HOPX: variants seen among roughly 807,000 people sequenced by gnomAD.
HOPX encodes the protein homeodomain-only protein.
Under a neutral mutation model 11.8 loss-of-function variants are expected in HOPX, and 5 were observed. That is an observed-to-expected ratio of 0.43 (90% confidence interval 0.22 to 0.89). The LOEUF is 0.89. HOPX is among the 40% of genes least tolerant of loss of function. The probability of loss-of-function intolerance (pLI) is 0.28; values close to 1 mark genes in which losing one functional copy is unlikely to be tolerated. For missense variants in HOPX, 119 were observed against 120.0 expected, an observed-to-expected ratio of 0.99 and a Z score of 0.04; for synonymous variants, 49 against 49.7, an observed-to-expected ratio of 0.99 and a Z score of 0.06.
chr4:56,681,580 G>T, upstream of HOPX: 3 of 1,000,200 alleles, frequency 3.0e-6, no homozygotes, highest in Non-Finnish European at 3.6e-6. Context: ...ACCAAGATAG[G>T]ATAAGAGAGA....
intron 3 of HOPX, among the ~76,000 whole-genome samples, chr4:56,653,385 C>T (rs1717393914): frequency 6.6e-6 from 1 of 152,004 alleles, no homozygotes; most frequent in African/African-American, 2.4e-5. Context: ...AGGAGATACT[C>T]TTTAAAAATA....
intron 1 of HOPX, among the ~76,000 whole-genome samples, chr4:56,671,568 T>C (rs1718734415): frequency 6.6e-6 from 1 of 152,082 alleles, no homozygotes; most frequent in Non-Finnish European, 1.5e-5. Flanking sequence ...TGCTGCTTGT[T>C]GCCATGCTAC....
Position 56,651,871 on chromosome 4 carries a change from AGAGTGTGT to A in HOPX, c.199-3082_199-3075del, listed in dbSNP as rs1363509921. Among the ~76,000 whole-genome samples, 187 of 109,602 alleles carry A rather than the reference AGAGTGTGT, an allele frequency of 1.7e-3. 1 individual carries two copies. Among genetic ancestry groups the A allele is most frequent in the Non-Finnish European group, 2.9e-3 (147 of 50,914 alleles). The allele number at this position is 109,602 out of a possible 152,430, so 71.9% of individuals were successfully genotyped here. On this transcript the variant is annotated intron_variant, in intron 3 of 3. Coordinates refer to ENST00000420433, the MANE Select transcript of HOPX (RefSeq NM_032495.6). ...GGGAGAGAGAGAAAGAGAGAGAGAG[AGAGTGTGT>A]GTGTGTGTGTGTGTGTGTGTGTGTG...
intron 3 of HOPX, among the ~76,000 whole-genome samples, chr4:56,651,856 G>C (rs2109457865): frequency 8.7e-6 from 1 of 114,608 alleles, no homozygotes; most frequent in South Asian, 2.8e-4. Context: ...GGGAGAGAGA[G>C]AAAGAGAGAG....
In HOPX at chr4:56,648,363, A is replaced by G. The variant is rs1716846423; in HGVS notation, c.*357T>C. ...TTCTCCCTCATATTATCTTTTCAAC[A>G]GAGGCCTGGATTGCTAAATGGATTA... On this transcript the variant is annotated 3_prime_UTR_variant, in exon 4 of 4. Transcript: ENST00000420433. 5.2e-6 allele frequency: 1 copy of G among 191,038 alleles called. No individual in the cohort carries two copies. The highest frequency in any genetic ancestry group is 1.9e-4 in the South Asian group (1 of 5,172). 11.8% of individuals were successfully genotyped at this position (191,038 alleles called of 1,614,324 possible). A position where few individuals can be genotyped will look rare whatever the true frequency, so the allele number is the denominator to read the frequency against.
intron 1 of HOPX, chr4:56,663,090 A>G (rs1468838950): frequency 1.3e-5 from 2 of 152,086 alleles, no homozygotes; most frequent in Non-Finnish European, 2.9e-5. Flanking sequence ...TTCTGATTCC[A>G]TTTTTCACAA....
intron 1 of HOPX, among the ~76,000 whole-genome samples, chr4:56,670,918 A>C (rs937700035): frequency 1.1e-4 from 17 of 151,056 alleles, no homozygotes; most frequent in African/African-American, 4.1e-4. Flanking sequence ...AATCGCTTGA[A>C]CCCGGGAGGC....
At chr4:56,669,821 G>C (rs564393279) in intron 1 of HOPX, among the ~76,000 whole-genome samples, 1 of 151,960 alleles carries the variant, frequency 6.6e-6, no homozygotes, top group African/African-American at 2.4e-5. Context: ...AAAATGCCCC[G>C]GTTGCACCTA....
At chr4:56,667,344 G>A (rs565208700) in intron 1 of HOPX, among the ~76,000 whole-genome samples, 51 of 152,240 alleles carry the variant, frequency 3.3e-4, no homozygotes, top group Admixed American at 1.6e-3. Context: ...AATTCAATTT[G>A]TTTGACAAAT....
chr4:56,672,450 A>T (rs1290264582), intron 1 of HOPX, among the ~76,000 whole-genome samples: 2 of 151,964 alleles, frequency 1.3e-5, no homozygotes, highest in African/African-American at 2.4e-5. Context: ...GAGGGACAAG[A>T]ATCGCTTGAA....
chr4:56,655,890 C>A lies in HOPX; in HGVS notation c.165G>T (p.Ala55=). 6.2e-7 allele frequency: 1 copy of A among 1,611,844 alleles called. No individual in the cohort carries two copies. The highest frequency in any genetic ancestry group is 8.5e-7 in the Non-Finnish European group (1 of 1,179,086). ...CCTCCTCGGAAAGGCCTGCCTCGGC[C>A]GCGATGAGGCACAGCGTGGTGGAAT... The part of the protein sequence containing the change: ...HPDSTTLCLI[A]AEAGLSEEET... The change falls in exon 3 of 4, where the codon GCG becomes GCT. Residue 55 remains alanine, a synonymous_variant. Transcript: ENST00000420433.
At chr4:56,656,733 G>C (rs965789374) in intron 2 of HOPX, among the ~76,000 whole-genome samples, 2 of 152,238 alleles carry the variant, frequency 1.3e-5, no homozygotes, top group Non-Finnish European at 2.9e-5. Context: ...ACTTCCACCT[G>C]TGGGCTTGCA....
intron 1 of HOPX, among the ~76,000 whole-genome samples, chr4:56,660,697 A>G (rs1024954057): frequency 6.6e-6 from 1 of 152,204 alleles, no homozygotes; most frequent in Non-Finnish European, 1.5e-5. Flanking sequence ...AAGACTATTT[A>G]GAAGATTAGG....
In HOPX at chr4:56,657,992, A is replaced by G. The variant is rs564908336; in HGVS notation, c.-83-93T>C. 7.8e-4 allele frequency: 936 copies of G among 1,206,332 alleles called. 3 individuals carry two copies. Among genetic ancestry groups the G allele is most frequent in the Non-Finnish European group, 9.7e-4 (860 of 886,640 alleles). 74.7% of individuals were successfully genotyped at this position (1,206,332 alleles called of 1,614,324 possible). A position where few individuals can be genotyped will look rare whatever the true frequency, so the allele number is the denominator to read the frequency against. On this transcript the variant is annotated intron_variant, in intron 1 of 3. Transcript: ENST00000420433. ...CATAGACTGTCCTAGTAGGACACCA[A>G]TTCTAGCCAAAGTTGCCCACGGGAA...
chr4:56,668,172 G>A (rs1479777496), intron 1 of HOPX, among the ~76,000 whole-genome samples: 2 of 152,162 alleles, frequency 1.3e-5, no homozygotes, highest in East Asian at 1.9e-4. Flanking sequence ...TGATCCAACC[G>A]CCTTGGCCTC....
intron 1 of HOPX, among the ~76,000 whole-genome samples, chr4:56,671,033 A>G (rs4865140): frequency 0.016 from 2,473 of 151,924 alleles, 99 homozygotes; most frequent in African/African-American, 0.058. Flanking sequence ...AATCAAGTAG[A>G]TAAAATTGTC....
intron 3 of HOPX, among the ~76,000 whole-genome samples, chr4:56,651,463 C>T (rs192067135): frequency 2.2e-4 from 34 of 152,266 alleles, no homozygotes; most frequent in African/African-American, 6.7e-4. Context: ...GCTAATTTTC[C>T]ACCTGGCTTT....
At chr4:56,681,076 T>G (rs752125131) in intron 1 of HOPX, 179 bp downstream of exon 1, 15 of 984,912 alleles carry the variant, frequency 1.5e-5, no homozygotes, top group Non-Finnish European at 1.8e-5. Flanking sequence ...GGGACTGATG[T>G]CTTACACCCA....
At chr4:56,677,771 C>G (rs1719091807) in intron 1 of HOPX, among the ~76,000 whole-genome samples, 1 of 151,482 alleles carries the variant, frequency 6.6e-6, no homozygotes, top group South Asian at 2.1e-4. Context: ...ACAAACTTCA[C>G]CCACTCATGC....
Sources: gnomAD v4.1 joint callset for allele counts (sites outside exome capture counted in the v4.1 genomes callset) on GRCh38, gnomAD v4.1.1 for gene constraint, MANE v1.5 for transcripts, NCBI Gene and HGNC (gene_info 2026-07-23, HGNC 2026-07-21) for gene names.